The following SIL1 variants were observed in gnomAD, a reference collection of about 807,000 sequenced individuals.
SIL1 encodes the protein nucleotide exchange factor SIL1.
In SIL1, 40 loss-of-function variants were observed where a neutral mutation model predicts 49.1. The observed-to-expected ratio is 0.81, with a 90% CI of 0.63 to 1.06. SIL1 has a LOEUF of 1.06. SIL1 is among the 50% of genes least tolerant of loss of function. SIL1 has a pLI of 0.00. For synonymous variants in SIL1, 253 were observed against 250.8 expected (o/e 1.01, Z -0.08); for missense variants, 500 against 572.6 (o/e 0.87, Z 1.29).
chr5:138,963,568 G>A (rs1377827642), intron 7 of SIL1, among the ~76,000 whole-genome samples: 7 of 152,184 alleles, frequency 4.6e-5, no homozygotes. Context: ...AAGTCGTATA[G>A]ACTACAAATC....
Position 139,047,768 on chromosome 5 carries a change from C to A in SIL1, c.353+3170G>T, listed in dbSNP as rs181361582. ...CACTGAGCTCACAGCACTGAATGTT[C>A]ACACCACCTTGTCAGTGCCTTTGGA... is the stretch of plus-strand genomic sequence containing the variant. On this transcript the variant is annotated intron_variant, in intron 4 of 9. Coordinates refer to ENST00000394817, the MANE Select transcript of SIL1 (RefSeq NM_022464.5). Among the ~76,000 whole-genome samples, 5 of 152,362 alleles carry A rather than the reference C, an allele frequency of 3.3e-5. No individual in the cohort carries two copies. In the East Asian group the frequency reaches 9.6e-4, roughly 29 times the overall value.
At chr5:138,972,990 G>T (rs1767314598) in intron 7 of SIL1, among the ~76,000 whole-genome samples, 2 of 152,124 alleles carry the variant, frequency 1.3e-5, no homozygotes, top group African/African-American at 2.4e-5. Context: ...CCCTTGTTCA[G>T]TCCCAGCATG....
chr5:139,139,502 C>T lies in SIL1; in HGVS notation c.-10-11649G>A, dbSNP rs143482976. 8.5e-5 allele frequency among the ~76,000 whole-genome samples: 13 copies of T among 152,340 alleles called. No homozygotes were observed. The East Asian group carries it at 2.3e-3, about 27-fold the overall frequency. Reference sequence around the variant, plus strand: ...CCATTTCTATTGCAAGCATTCAGCACTCACACTCTAAAAGCAAATACCACA... The same window carrying T: ...CCATTTCTATTGCAAGCATTCAGCATTCACACTCTAAAAGCAAATACCACA... On this transcript the variant is annotated intron_variant, in intron 1 of 9. Transcript: ENST00000394817.
intron 4 of SIL1, among the ~76,000 whole-genome samples, chr5:139,049,848 A>T (rs1242622951): frequency 6.6e-6 from 1 of 152,082 alleles, no homozygotes; most frequent in Non-Finnish European, 1.5e-5. Flanking sequence ...GAGTAACACT[A>T]ACCACACTCA....
At chr5:138,999,546 T>C (rs1330850175) in intron 7 of SIL1, among the ~76,000 whole-genome samples, 2 of 152,126 alleles carry the variant, frequency 1.3e-5, no homozygotes, top group Non-Finnish European at 2.9e-5. Context: ...CCTGCAGTCC[T>C]AGCTACTGAG....
At chr5:139,084,764 C>T (rs1197024047) in intron 3 of SIL1, among the ~76,000 whole-genome samples, 1 of 148,386 alleles carries the variant, frequency 6.7e-6, no homozygotes, top group Non-Finnish European at 1.5e-5. Flanking sequence ...TGCACATGTA[C>T]CCTAAAACTT....
At chr5:139,038,623 T>G (rs1323430365) in intron 5 of SIL1, among the ~76,000 whole-genome samples, 2 of 152,214 alleles carry the variant, frequency 1.3e-5, no homozygotes, top group Non-Finnish European at 2.9e-5. Context: ...CTCTCCCAAA[T>G]CGTACCCCTA....
At chr5:138,967,403 C>A (rs912904178) in intron 7 of SIL1, among the ~76,000 whole-genome samples, 3 of 152,208 alleles carry the variant, frequency 2.0e-5, no homozygotes, top group Non-Finnish European at 2.9e-5. Context: ...TATCCCTGGA[C>A]AGATAACAAC....
intron 7 of SIL1, among the ~76,000 whole-genome samples, chr5:139,007,303 T>C (rs1386887669): frequency 7.7e-5 from 10 of 129,202 alleles, no homozygotes; most frequent in African/African-American, 2.9e-4. Context: ...TTTTTGTACA[T>C]TGATTTTGTA....
At chr5:139,122,010 G>A (rs1473841277) in intron 2 of SIL1, among the ~76,000 whole-genome samples, 11 of 151,918 alleles carry the variant, frequency 7.2e-5, no homozygotes, top group Non-Finnish European at 1.0e-4. Context: ...CAGGAAATTC[G>A]AACCAGAGGG....
intron 3 of SIL1, among the ~76,000 whole-genome samples, chr5:139,098,809 CTTTTTTTTTTTT>C (rs59863544): frequency 5.4e-4 from 48 of 89,088 alleles, no homozygotes; most frequent in Admixed American, 7.9e-4. Flanking sequence ...TTTTCTTACT[CTTTTTTTTTTTT>C]TTTTTTTTTT....
chr5:139,061,847 C>T (rs1277006626), intron 3 of SIL1, among the ~76,000 whole-genome samples: 2 of 152,166 alleles, frequency 1.3e-5, no homozygotes, highest in Non-Finnish European at 2.9e-5. Flanking sequence ...GTGCCCACAG[C>T]TCAAGCTCAG....
intron 5 of SIL1, among the ~76,000 whole-genome samples, chr5:139,031,927 A>C (rs887218387): frequency 1.3e-5 from 2 of 152,250 alleles, no homozygotes; most frequent in Admixed American, 6.5e-5. Context: ...ATTCTTTGTT[A>C]GTATATAGAA....
chr5:139,035,494 C>T lies in SIL1; in HGVS notation c.453+7126G>A, dbSNP rs193159599. On this transcript the variant is annotated intron_variant, in intron 5 of 9. Coordinates refer to ENST00000394817, the MANE Select transcript of SIL1 (RefSeq NM_022464.5). Reference sequence around the variant, plus strand: ...GTAATCCTCAGACCCCTCCAGTCACCGGCTGCCTTGGCAATGTCATCACCA... The same window carrying T: ...GTAATCCTCAGACCCCTCCAGTCACTGGCTGCCTTGGCAATGTCATCACCA... The T allele has an allele frequency of 2.3e-4, 123 of 537,438 alleles. 1 individual carries two copies. The East Asian group carries it at 5.0e-3, about 22-fold the overall frequency. 33.3% of individuals were successfully genotyped at this position (537,438 alleles called of 1,614,324 possible). A position where few individuals can be genotyped will look rare whatever the true frequency, so the allele number is the denominator to read the frequency against.
chr5:138,989,656 C>G (rs1767716487), intron 7 of SIL1, among the ~76,000 whole-genome samples: 1 of 152,180 alleles, frequency 6.6e-6, no homozygotes, highest in Non-Finnish European at 1.5e-5. Flanking sequence ...CTTTTGCCCT[C>G]TAAGGCATCA....
rs35482601 is a variant in SIL1, at chr5:139,048,369, G to GTTT, written c.353+2566_353+2568dup. ...TCTGTTTTGCTTTTTTTTGTTGTTGGTTTTTTTTTTTTTTTTTTTTTTTTG... is the reference window on the plus strand; with the variant it reads ...TCTGTTTTGCTTTTTTTTGTTGTTGGTTTTTTTTTTTTTTTTTTTTTTTTTTTG... On this transcript the variant is annotated intron_variant, in intron 4 of 9. Coordinates refer to ENST00000394817, the MANE Select transcript of SIL1 (RefSeq NM_022464.5). 1.1e-3 allele frequency among the ~76,000 whole-genome samples: 97 copies of GTTT among 87,748 alleles called. 1 individual carries two copies. Among genetic ancestry groups the GTTT allele is most frequent in the African/African-American group, 1.7e-3 (36 of 21,694 alleles). 57.6% of individuals were successfully genotyped at this position (87,748 alleles called of 152,430 possible).
chr5:139,143,344 C>CACACACATAT (rs1451727500), intron 1 of SIL1, among the ~76,000 whole-genome samples: 12 of 97,532 alleles, frequency 1.2e-4, no homozygotes, highest in African/African-American at 6.6e-4. Flanking sequence ...CACACACACA[C>CACACACATAT]ATATATATAT....
chr5:139,163,303 T>C (rs528255248), intron 1 of SIL1, among the ~76,000 whole-genome samples: 14 of 152,248 alleles, frequency 9.2e-5, no homozygotes, highest in African/African-American at 3.1e-4. Flanking sequence ...AGAAAAGTTA[T>C]CTAACCACAG....
chr5:139,051,748 C>A (rs1034516268), intron 3 of SIL1, among the ~76,000 whole-genome samples: 1 of 152,236 alleles, frequency 6.6e-6, no homozygotes, highest in Non-Finnish European at 1.5e-5. Context: ...CCTACACCCA[C>A]CTATCTATGG....
Sources: allele counts gnomAD v4.1 joint callset (sites outside exome capture counted in the v4.1 genomes callset), GRCh38; gene constraint gnomAD v4.1.1; transcripts MANE v1.5; gene names NCBI Gene and HGNC (gene_info 2026-07-23, HGNC 2026-07-21).